Variants in NRXN1 observed in about 807,000 individuals in gnomAD.
NRXN1 encodes neurexin 1.
In NRXN1, 39 loss-of-function variants were observed where a neutral mutation model predicts 150.9. The observed-to-expected ratio is 0.26, with a 90% CI of 0.20 to 0.34. NRXN1 has a LOEUF of 0.34. Ranked by LOEUF, NRXN1 falls within the 10% of genes least tolerant of loss-of-function variation. The pLI is 1.00. For missense variants in NRXN1, 1,815 were observed against 1,949.9 expected (o/e 0.93, Z 1.30); for synonymous variants, 924 against 757.0 (o/e 1.22, Z -3.62).
chr2:50,391,055 C>T (rs2081656329), intron 17 of NRXN1, among the ~76,000 whole-genome samples: 1 of 151,934 alleles, frequency 6.6e-6, no homozygotes, highest in Non-Finnish European at 1.5e-5. Flanking sequence ...AAATGTTTTA[C>T]CTTTAACTTC....
intron 21 of NRXN1, among the ~76,000 whole-genome samples, chr2:49,956,514 T>C (rs2104506457): frequency 6.6e-6 from 1 of 152,246 alleles, no homozygotes; most frequent in East Asian, 1.9e-4. Context: ...ATTTTTTTCA[T>C]CTCTTCCTAT....
At chr2:50,344,639 T>A (rs2077796959) in intron 17 of NRXN1, among the ~76,000 whole-genome samples, 1 of 152,196 alleles carries the variant, frequency 6.6e-6, no homozygotes, top group South Asian at 2.1e-4. Flanking sequence ...AATCACTGTA[T>A]TCTGGAGGGA....
chr2:49,931,004 C>T (rs1179179558), intron 22 of NRXN1, among the ~76,000 whole-genome samples: 2 of 152,188 alleles, frequency 1.3e-5, no homozygotes, highest in Non-Finnish European at 2.9e-5. Context: ...CATAGTGGTG[C>T]ACACCTGTAG....
At chr2:50,735,451 C>G (rs749825568) in intron 5 of NRXN1, among the ~76,000 whole-genome samples, 2 of 152,024 alleles carry the variant, frequency 1.3e-5, no homozygotes, top group Non-Finnish European at 2.9e-5. Context: ...AATTTACAGT[C>G]CTAGAGACTC....
intron 21 of NRXN1, among the ~76,000 whole-genome samples, chr2:50,021,893 C>T (rs11897683): frequency 0.18 from 27,036 of 152,100 alleles, 3,051 homozygotes; most frequent in African/African-American, 0.31. Flanking sequence ...TTCTGTAACC[C>T]ACACTGGACT....
rs143856058 is a variant in NRXN1, at chr2:49,949,286, T to C, written c.4129-5495A>G. 3.1e-3 allele frequency among the ~76,000 whole-genome samples: 466 copies of C among 152,086 alleles called. 2 individuals carry two copies. The highest frequency in any genetic ancestry group is 0.019 in the East Asian group (97 of 5,162). On this transcript the variant is annotated intron_variant, in intron 21 of 22. Transcript: ENST00000401669. ...TATGTTTGTTATTTTTTCTCACTTA[T>C]AGGAAGCCTTTTATTTTTCAACATC...
intron 21 of NRXN1, among the ~76,000 whole-genome samples, chr2:50,039,480 A>C (rs1573555250): frequency 7.0e-6 from 1 of 142,554 alleles, no homozygotes; most frequent in Non-Finnish European, 1.5e-5. Context: ...GTAACTAAAT[A>C]AATAAGCAAA....
intron 17 of NRXN1, among the ~76,000 whole-genome samples, chr2:50,344,820 T>C (rs1027535307): frequency 6.6e-6 from 1 of 152,130 alleles, no homozygotes; most frequent in African/African-American, 2.4e-5. Context: ...AAAGGAGAAG[T>C]TGCATATGAG....
rs1051481387 is a variant in NRXN1, at chr2:51,018,085, C to T, written c.772+9417G>A. On this transcript the variant is annotated intron_variant, in intron 2 of 22. Coordinates refer to ENST00000401669, the MANE Select transcript of NRXN1 (RefSeq NM_001330078.2). ...ACTTAAGCCTAGCTGTTTCCATATACGGGCCAGGTGTTGCGAGGTCCCAAA... is the reference window on the plus strand; with the variant it reads ...ACTTAAGCCTAGCTGTTTCCATATATGGGCCAGGTGTTGCGAGGTCCCAAA... 8.5e-5 allele frequency among the ~76,000 whole-genome samples: 13 copies of T among 152,072 alleles called. No homozygotes were observed. In the East Asian group the frequency reaches 1.4e-3, roughly 16 times the overall value.
chr2:50,429,407 C>G (rs1213777583), intron 17 of NRXN1, among the ~76,000 whole-genome samples: 1 of 152,104 alleles, frequency 6.6e-6, no homozygotes, highest in Admixed American at 6.6e-5. Flanking sequence ...CAGGCACATG[C>G]CATCACGCCT....
At chr2:50,405,425 A>C (rs1183067099) in intron 17 of NRXN1, among the ~76,000 whole-genome samples, 1 of 152,142 alleles carries the variant, frequency 6.6e-6, no homozygotes, top group Non-Finnish European at 1.5e-5. Flanking sequence ...TGGAAAGAAA[A>C]TGAAGATCTC....
chr2:50,658,108 T>C (rs542859926), intron 5 of NRXN1, among the ~76,000 whole-genome samples: 31 of 152,066 alleles, frequency 2.0e-4, no homozygotes, highest in Non-Finnish European at 3.4e-4. Context: ...TTTATTTCCT[T>C]TGTTTAGTTC....
chr2:50,598,531 C>T (rs1675629433), intron 8 of NRXN1, among the ~76,000 whole-genome samples: 1 of 149,968 alleles, frequency 6.7e-6, no homozygotes, highest in Non-Finnish European at 1.5e-5. Flanking sequence ...AGCTGTAATC[C>T]TAACTCTCCT....
chr2:50,935,169 T>C (rs1174643473), intron 2 of NRXN1, among the ~76,000 whole-genome samples: 2 of 152,202 alleles, frequency 1.3e-5, no homozygotes, highest in Non-Finnish European at 2.9e-5. Flanking sequence ...TCTTATATAA[T>C]GTATTCTCTT....
intron 17 of NRXN1, among the ~76,000 whole-genome samples, chr2:50,453,685 A>G (rs1031456277): frequency 2.0e-5 from 3 of 152,200 alleles, no homozygotes; most frequent in African/African-American, 7.2e-5. Flanking sequence ...TTCAATTCCA[A>G]CTATACCACA....
chr2:51,027,903 C>A lies in NRXN1; in HGVS notation c.371G>T (p.Arg124Leu). 6.2e-7 allele frequency: 1 copy of A among 1,609,594 alleles called. No homozygotes were observed. The highest frequency in any genetic ancestry group is 2.2e-5 in the East Asian group (1 of 44,832). ...CTGGTCGATGAAGAGCGTGGTGTTG[C>A]GGAACTGGCGGCGGATGCGCACGCT... ...WHSVRIRRQFRNTTLFIDQVE... is the reference protein window; with the variant it reads ...WHSVRIRRQFLNTTLFIDQVE... Residue 124 changes from arginine to leucine, a missense_variant, in exon 2 of 23, where the codon CGC (arginine) becomes CTC (leucine). This residue lies in a region of NRXN1 where 554 missense variants were observed against 478.8 expected (regional missense o/e 1.16). Coordinates refer to ENST00000401669, the MANE Select transcript of NRXN1 (RefSeq NM_001330078.2).
At chr2:50,602,954 T>G (rs576893207) in intron 8 of NRXN1, among the ~76,000 whole-genome samples, 6 of 152,298 alleles carry the variant, frequency 3.9e-5, no homozygotes, top group African/African-American at 1.4e-4. Flanking sequence ...CCCCTGATAT[T>G]TCCTGGTCTT....
In NRXN1 at chr2:50,227,203, AT is replaced by A. The variant is rs555642065; in HGVS notation, c.3546+9585del. Among the ~76,000 whole-genome samples the A allele has an allele frequency of 9.2e-4, 139 of 151,524 alleles. 1 individual carries two copies. Among genetic ancestry groups the A allele is most frequent in the Non-Finnish European group, 1.8e-3 (122 of 67,888 alleles). ...GAAGTTTGTTGTTGTTATTTTGCCA[AT>A]TTTTTCCAGACGTTTGACTTTGCTT... On this transcript the variant is annotated intron_variant, in intron 18 of 22. Transcript: ENST00000401669.
chr2:50,207,798 C>T (rs1401819644), intron 18 of NRXN1: 2 of 163,614 alleles, frequency 1.2e-5, no homozygotes, highest in Non-Finnish European at 2.9e-5. Flanking sequence ...GGAAAGTTCT[C>T]TTAATATCTT....
Sources: allele counts gnomAD v4.1 joint callset (sites outside exome capture counted in the v4.1 genomes callset), GRCh38; gene constraint gnomAD v4.1.1; regional missense constraint gnomAD v4.1.1; transcripts MANE v1.5; gene names NCBI Gene and HGNC (gene_info 2026-07-23, HGNC 2026-07-21).